The following PLXDC2 variants were observed in gnomAD, a reference collection of about 807,000 sequenced individuals.
PLXDC2 encodes plexin domain containing 2.
PLXDC2 carries 40 observed loss-of-function variants against 68.9 expected under a neutral mutation model. The ratio of observed to expected loss-of-function variants is 0.58; its 90% CI spans 0.45 to 0.76. The LOEUF (loss-of-function observed/expected upper bound fraction) is 0.76. Among genes scored for constraint, PLXDC2 ranks in the 30% least tolerant of loss-of-function variants. The pLI is 0.00. For synonymous variants in PLXDC2, 243 were observed against 234.2 expected (o/e 1.04, Z -0.34); for missense variants, 644 against 661.9 (o/e 0.97, Z 0.30).
chr10:20,114,123 C>G (rs1833593533), intron 4 of PLXDC2, among the ~76,000 whole-genome samples: 1 of 152,114 alleles, frequency 6.6e-6, no homozygotes, highest in Non-Finnish European at 1.5e-5. Flanking sequence ...GACCCCATGT[C>G]AAAACAAAAT....
intron 1 of PLXDC2, among the ~76,000 whole-genome samples, chr10:19,817,491 C>G (rs1836375854): frequency 6.6e-6 from 1 of 152,248 alleles, no homozygotes; most frequent in Non-Finnish European, 1.5e-5. Context: ...AAGCTTCTTC[C>G]GTGGATACAT....
chr10:19,878,003 AT>A (rs1303204056), intron 1 of PLXDC2, among the ~76,000 whole-genome samples: 1 of 152,236 alleles, frequency 6.6e-6, no homozygotes, highest in Non-Finnish European at 1.5e-5. Flanking sequence ...ACCCTGATGA[AT>A]TTTGAGAATA....
At chr10:20,115,753 A>ATTAT (rs1335172150) in intron 4 of PLXDC2, among the ~76,000 whole-genome samples, 1 of 152,234 alleles carries the variant, frequency 6.6e-6, no homozygotes, top group East Asian at 1.9e-4. Context: ...TTTAAAAAGT[A>ATTAT]TTATTTTAGT....
intron 1 of PLXDC2, among the ~76,000 whole-genome samples, chr10:19,975,308 A>ATT (rs1834434307): frequency 6.6e-6 from 1 of 151,990 alleles, no homozygotes; most frequent in Admixed American, 6.6e-5. Flanking sequence ...AATACAAAAA[A>ATT]TTAGCTGGGC....
At chr10:19,852,167 G>T (rs962125872) in intron 1 of PLXDC2, among the ~76,000 whole-genome samples, 1 of 152,064 alleles carries the variant, frequency 6.6e-6, no homozygotes, top group Admixed American at 6.6e-5. Context: ...CATTTTGGGA[G>T]CCTGAGGCAA....
rs1177383693 is a variant in PLXDC2 at position 19,817,136 on chromosome 10, C to G, written c.57C>G (p.His19Gln). ...LAAAGVMLLC[H>Q]FFTDQFQFAD... Reference sequence around the variant, plus strand: ...CTGCAGGAGTTATGTTACTTTGCCACTTCTTCACGGACCAGTTTCAGTTCG... The same window carrying G: ...CTGCAGGAGTTATGTTACTTTGCCAGTTCTTCACGGACCAGTTTCAGTTCG... Residue 19 changes from histidine (H) to glutamine (Q), a missense_variant, in exon 1 of 14, where the codon CAC becomes CAG. By Grantham distance (24) the His-to-Gln change is conservative. Around this residue, in one of 3 missense-constraint regions of PLXDC2, gnomAD observed 201 missense variants for 166.9 expected, o/e 1.20. Transcript: ENST00000377252. The G allele has an allele frequency of 6.3e-7, 1 of 1,576,544 alleles. No individual in the cohort carries two copies. The highest frequency in any genetic ancestry group is 1.8e-5 in the Admixed American group (1 of 56,646).
At chr10:19,937,766 T>C (rs1833751178) in intron 1 of PLXDC2, among the ~76,000 whole-genome samples, 1 of 151,876 alleles carries the variant, frequency 6.6e-6, no homozygotes, top group Non-Finnish European at 1.5e-5. Context: ...GGCAGGTTCA[T>C]CTAAACAGAA....
At chr10:20,231,550 AT>A (rs1201468159) in intron 12 of PLXDC2, among the ~76,000 whole-genome samples, 1 of 151,766 alleles carries the variant, frequency 6.6e-6, no homozygotes, top group Non-Finnish European at 1.5e-5. Context: ...TAAAATTACA[AT>A]TTTATTAAAA....
At position 19,968,040 on chromosome 10, in the gene PLXDC2, T is replaced by C. The variant is rs555249498; in HGVS notation, c.113-33735T>C. ...GGAGAAAGATAAGTTAGTTCAAATA[T>C]TTGAAAGGCTGTCAGATTTAGGCTT... On this transcript the variant is annotated intron_variant, in intron 1 of 13. Transcript: ENST00000377252. Among the ~76,000 whole-genome samples, 26 of 152,344 alleles carry C rather than the reference T, an allele frequency of 1.7e-4. 1 individual carries two copies. Among genetic ancestry groups the C allele is most frequent in the African/African-American group, 6.0e-4 (25 of 41,588 alleles).
chr10:19,863,461 T>C (rs1266053925), intron 1 of PLXDC2, among the ~76,000 whole-genome samples: 1 of 152,180 alleles, frequency 6.6e-6, no homozygotes, highest in Non-Finnish European at 1.5e-5. Context: ...TTGTGAGATA[T>C]TGTATATTAG....
chr10:20,036,846 G>A (rs779447471), intron 2 of PLXDC2, among the ~76,000 whole-genome samples: 10 of 152,042 alleles, frequency 6.6e-5, no homozygotes, highest in Admixed American at 1.3e-4. Context: ...TGTGAATTTC[G>A]CCTCCAACTT....
intron 1 of PLXDC2, among the ~76,000 whole-genome samples, chr10:19,925,186 G>A (rs12764178): frequency 0.23 from 35,472 of 152,120 alleles, 4,979 homozygotes; most frequent in South Asian, 0.36. Flanking sequence ...AGGAAAGTCC[G>A]TCGAACTTAT....
At chr10:20,006,525 G>A (rs957858374) in intron 2 of PLXDC2, among the ~76,000 whole-genome samples, 1 of 151,948 alleles carries the variant, frequency 6.6e-6, no homozygotes, top group East Asian at 1.9e-4. Flanking sequence ...TTCCTCAGAT[G>A]TTCTCCTCAT....
chr10:19,926,329 A>G (rs565764577), intron 1 of PLXDC2, among the ~76,000 whole-genome samples: 2 of 152,282 alleles, frequency 1.3e-5, no homozygotes, highest in South Asian at 2.1e-4. Context: ...GTTGCAGCTT[A>G]GTTTTATGGA....
chr10:20,122,033 G>T (rs1833704997), intron 4 of PLXDC2, among the ~76,000 whole-genome samples: 1 of 151,956 alleles, frequency 6.6e-6, no homozygotes, highest in East Asian at 1.9e-4. Flanking sequence ...ACAAGAGGAG[G>T]ACGCAAAGGA....
chr10:19,888,674 C>G (rs1014802257), intron 1 of PLXDC2, among the ~76,000 whole-genome samples: 4 of 152,084 alleles, frequency 2.6e-5, no homozygotes, highest in Non-Finnish European at 5.9e-5. Context: ...GGTACTTGCA[C>G]AGATCTAGGT....
intron 1 of PLXDC2, among the ~76,000 whole-genome samples, chr10:19,990,710 T>C (rs1834732660): frequency 6.6e-6 from 1 of 152,220 alleles, no homozygotes; most frequent in Non-Finnish European, 1.5e-5. Flanking sequence ...TTGTGGATTA[T>C]TTACAATGTT....
chr10:20,021,819 C>T (rs1835314672), intron 2 of PLXDC2, among the ~76,000 whole-genome samples: 1 of 152,094 alleles, frequency 6.6e-6, no homozygotes. Context: ...CTGTCTCAGC[C>T]TCCCAAGTAG....
rs535317971 is a variant in PLXDC2 at position 19,911,065 on chromosome 10, G to A, written c.113-90710G>A. Among the ~76,000 whole-genome samples, 1,032 of 150,164 alleles carry A rather than the reference G, an allele frequency of 6.9e-3. 20 individuals carry two copies. Among genetic ancestry groups the A allele is most frequent in the East Asian group, 0.036 (181 of 5,078 alleles). On this transcript the variant is annotated intron_variant, in intron 1 of 13. Coordinates refer to ENST00000377252, the MANE Select transcript of PLXDC2 (RefSeq NM_032812.9). ...AATAGCTTAGTTTATGCCTCATCTC[G>A]TTCTCAAAAGTTTGGACCTTCTCGG...
Sources: allele counts gnomAD v4.1 joint callset (sites outside exome capture counted in the v4.1 genomes callset), GRCh38; gene constraint gnomAD v4.1.1; regional missense constraint gnomAD v4.1.1; transcripts MANE v1.5; gene names NCBI Gene and HGNC (gene_info 2026-07-23, HGNC 2026-07-21).